The following FHIT variants were observed in gnomAD, a reference collection of about 807,000 sequenced individuals.
FHIT encodes the protein fragile histidine triad diadenosine triphosphatase, also known as bis(5'-adenosyl)-triphosphatase.
FHIT carries 19 observed loss-of-function variants against 17.9 expected under a neutral mutation model. The observed-to-expected ratio is 1.06, with a 90% confidence interval of 0.74 to 1.56. The LOEUF (loss-of-function observed/expected upper bound fraction) is 1.56. FHIT is among the 40% of genes most tolerant of loss of function. The pLI is 0.00. For missense variants in FHIT, 248 were observed against 189.2 expected (o/e 1.31, Z -1.82); for synonymous variants, 81 against 69.7 (o/e 1.16, Z -0.81).
At chr3:60,581,396 A>G (rs1164905402) in intron 4 of FHIT, among the ~76,000 whole-genome samples, 4 of 152,120 alleles carry the variant, frequency 2.6e-5, no homozygotes, top group African/African-American at 9.6e-5. Context: ...TTGATACTGT[A>G]ACAACATTAG....
chr3:59,756,333 C>T (rs1701217581), intron 8 of FHIT, among the ~76,000 whole-genome samples: 1 of 152,152 alleles, frequency 6.6e-6, no homozygotes, highest in Non-Finnish European at 1.5e-5. Context: ...TAAAGTGACC[C>T]TCACTAATCC....
intron 4 of FHIT, among the ~76,000 whole-genome samples, chr3:60,693,699 C>T (rs1043578481): frequency 2.6e-5 from 4 of 152,200 alleles, no homozygotes; most frequent in Non-Finnish European, 5.9e-5. Context: ...TTCACTTGAC[C>T]TCGTCCTGCA....
chr3:60,396,180 T>A (rs1701433198), intron 5 of FHIT, among the ~76,000 whole-genome samples: 2 of 152,146 alleles, frequency 1.3e-5, no homozygotes, highest in Admixed American at 1.3e-4. Context: ...TTTGGGTAAG[T>A]CTCCTAGAAT....
intron 5 of FHIT, among the ~76,000 whole-genome samples, chr3:60,188,335 A>T (rs879554541): frequency 2.6e-5 from 4 of 151,888 alleles, no homozygotes; most frequent in Admixed American, 6.6e-5. Flanking sequence ...ACTTGGTAAA[A>T]TAAATAGATC....
chr3:61,173,273 GA>G lies in FHIT; in HGVS notation c.-164+27343del, dbSNP rs879936472. 1.9e-3 allele frequency among the ~76,000 whole-genome samples: 275 copies of G among 148,538 alleles called. 4 individuals are homozygous for G. Among genetic ancestry groups the G allele is most frequent in the Non-Finnish European group, 1.0e-3 (69 of 66,908 alleles). On this transcript the variant is annotated intron_variant, in intron 2 of 9. Transcript: ENST00000492590. ...ATTTTCTCATTGGAGCTGCTGAAAA[GA>G]AAAAAAAAATCTCTTTTTAAAAAAC...
At chr3:61,199,541 A>AT (rs35557543) in intron 2 of FHIT, among the ~76,000 whole-genome samples, 2 of 151,966 alleles carry the variant, frequency 1.3e-5, no homozygotes, top group Non-Finnish European at 2.9e-5. Flanking sequence ...AGAAAAGAGG[A>AT]TTTTTTTATA....
intron 5 of FHIT, among the ~76,000 whole-genome samples, chr3:60,456,070 T>A (rs1445350586): frequency 6.6e-6 from 1 of 152,152 alleles, no homozygotes; most frequent in Admixed American, 6.6e-5. Flanking sequence ...AGCTAGAATA[T>A]CTGAAAGAGT....
chr3:59,979,247 A>T (rs190747770), intron 7 of FHIT, among the ~76,000 whole-genome samples: 1 of 152,236 alleles, frequency 6.6e-6, no homozygotes, highest in African/African-American at 2.4e-5. Context: ...CTCAAGAACT[A>T]CAGAAGCATG....
intron 5 of FHIT, among the ~76,000 whole-genome samples, chr3:60,322,521 C>T (rs1406084197): frequency 1.3e-5 from 2 of 152,200 alleles, no homozygotes; most frequent in African/African-American, 4.8e-5. Context: ...CAGAGAGATT[C>T]ACTGACTTTT....
At chr3:60,500,771 T>TAAAAAAAAAAAAA (rs71092606) in intron 5 of FHIT, among the ~76,000 whole-genome samples, 25 of 64,858 alleles carry the variant, frequency 3.9e-4, no homozygotes, top group African/African-American at 5.5e-4. Context: ...AGCATCCATC[T>TAAAAAAAAAAAAA]AAAAAAAAAA....
rs903446123 is a variant in FHIT, at chr3:60,095,754, G to A, written c.104-81602C>T. ...CAGGCTGAGAAAAGGCAAAACAACA[G>A]CCTGTTCGTTCTGTAAAAGGACCAT... On this transcript the variant is annotated intron_variant, in intron 5 of 9. Transcript: ENST00000492590. Among the ~76,000 whole-genome samples, 6 of 152,284 alleles carry A rather than the reference G, an allele frequency of 3.9e-5. No homozygotes were observed. The South Asian group carries it at 6.2e-4, about 16-fold the overall frequency.
Position 59,970,838 on chromosome 3 carries a change from A to AT in FHIT, c.279+40532dup, listed in dbSNP as rs34305760. Among the ~76,000 whole-genome samples, 71 of 144,548 alleles carry AT rather than the reference A, an allele frequency of 4.9e-4. 1 individual carries two copies. In the South Asian group the frequency reaches 6.8e-3, roughly 14 times the overall value. The allele number at this position is 144,548 out of a possible 152,430, so 94.8% of individuals were successfully genotyped here. On this transcript the variant is annotated intron_variant, in intron 7 of 9. Coordinates refer to ENST00000492590, the MANE Select transcript of FHIT (RefSeq NM_002012.4). The stretch of plus-strand genomic sequence containing the variant: ...AAAACCTGCACGTCCCACTCCAGCC[A>AT]TTTTTTTTTTTTTCATTTCTAAAAT...
chr3:60,332,900 G>A (rs1451019222), intron 5 of FHIT, among the ~76,000 whole-genome samples: 4 of 152,168 alleles, frequency 2.6e-5, no homozygotes, highest in Admixed American at 6.5e-5. Flanking sequence ...TGCATTGGCC[G>A]ACATTGTGTC....
At chr3:60,207,747 G>A (rs1703268326) in intron 5 of FHIT, among the ~76,000 whole-genome samples, 1 of 152,138 alleles carries the variant, frequency 6.6e-6, no homozygotes, top group South Asian at 2.1e-4. Context: ...ATTCTGATAT[G>A]TTTTAGGGCA....
At chr3:61,147,448 TA>T (rs775049179) in intron 2 of FHIT, among the ~76,000 whole-genome samples, 1 of 152,124 alleles carries the variant, frequency 6.6e-6, no homozygotes, top group East Asian at 1.9e-4. Context: ...TGGCTCACTA[TA>T]AGGTGAGTCA....
chr3:60,849,779 TTC>T (rs562893235), intron 3 of FHIT, among the ~76,000 whole-genome samples: 10 of 151,814 alleles, frequency 6.6e-5, no homozygotes, highest in Non-Finnish European at 1.2e-4. Context: ...TTGCCATGCT[TTC>T]TCTCTCTCTC....
intron 4 of FHIT, chr3:60,596,001 T>C (rs1053922300): frequency 5.7e-5 from 9 of 159,014 alleles, no homozygotes; most frequent in African/African-American, 1.7e-4. Context: ...AAACACCTCT[T>C]ACCAGCTTCT....
chr3:61,222,031 C>T (rs898790910), intron 1 of FHIT, among the ~76,000 whole-genome samples: 1 of 152,184 alleles, frequency 6.6e-6, no homozygotes, highest in African/African-American at 2.4e-5. Context: ...GGCTCCTGGC[C>T]CAGTGCTCGG....
intron 6 of FHIT, 38 bp downstream of exon 6, chr3:60,013,969 G>C: frequency 6.2e-7 from 1 of 1,604,492 alleles, no homozygotes; most frequent in Non-Finnish European, 8.5e-7. Context: ...GGATATGAAA[G>C]GGAAGAAAAA....
Sources: allele counts gnomAD v4.1 joint callset (sites outside exome capture counted in the v4.1 genomes callset), GRCh38; gene constraint gnomAD v4.1.1; transcripts MANE v1.5; gene names NCBI Gene and HGNC (gene_info 2026-07-23, HGNC 2026-07-21).